CSNK2A2: variants seen among roughly 807,000 people sequenced by gnomAD.
CSNK2A2 encodes the protein casein kinase 2 alpha 2, also known as casein kinase II subunit alpha'.
A neutral mutation model predicts 54.0 loss-of-function variants in CSNK2A2; 8 were observed. The ratio of observed to expected loss-of-function variants is 0.15; its 90% confidence interval spans 0.09 to 0.27. The LOEUF (loss-of-function observed/expected upper bound fraction) is 0.27, where lower values mean the gene tolerates loss of function less well. CSNK2A2 is among the 10% of genes least tolerant of loss of function. The pLI is 1.00. For synonymous variants in CSNK2A2, 141 were observed against 153.9 expected (o/e 0.92, Z 0.62); for missense variants, 242 against 439.4 (o/e 0.55, Z 4.02).
rs575118555 is a variant in CSNK2A2, at chr16:58,182,429, C to CCTGTAGT, written c.369+1824_369+1830dup. Among the ~76,000 whole-genome samples the CCTGTAGT allele has an allele frequency of 2.6e-4, 37 of 142,600 alleles. No individual in the cohort carries two copies. The South Asian group carries it at 7.3e-3, about 28-fold the overall frequency. The allele number at this position is 142,600 out of a possible 152,430, so 93.6% of individuals were successfully genotyped here. A position where few individuals can be genotyped will look rare whatever the true frequency, so the allele number is the denominator to read the frequency against. On this transcript the variant is annotated intron_variant, in intron 4 of 11. Coordinates refer to ENST00000262506, the MANE Select transcript of CSNK2A2 (RefSeq NM_001896.4). ...AACTAGCCAGGCGTGGTGGTGCACG[C>CCTGTAGT]CTGTAGTCCCAGCTACTTGGGAGGC...
At chr16:58,171,250 C>A (rs568408977) in intron 5 of CSNK2A2, among the ~76,000 whole-genome samples, 2 of 152,064 alleles carry the variant, frequency 1.3e-5, no homozygotes, top group East Asian at 1.9e-4. Context: ...TATGGCCAGG[C>A]GTGGTGGCTC....
intron 5 of CSNK2A2, among the ~76,000 whole-genome samples, chr16:58,171,306 G>A (rs868718700): frequency 6.6e-6 from 1 of 152,122 alleles, no homozygotes; most frequent in East Asian, 1.9e-4. Flanking sequence ...GGCAGATCAC[G>A]AGGTCAGGAG....
rs564766245 is a variant in CSNK2A2, at chr16:58,188,079, A to G, written c.217-1223T>C. 3.3e-5 allele frequency among the ~76,000 whole-genome samples: 5 copies of G among 152,326 alleles called. No individual in the cohort carries two copies. The East Asian group carries it at 9.6e-4, about 29-fold the overall frequency. On this transcript the variant is annotated intron_variant, in intron 2 of 11. Transcript: ENST00000262506. The stretch of plus-strand genomic sequence containing the variant: ...GAGGGGGAAAATATAACATACACAC[A>G]TGCCAGAGAAACCTTCATCTTTTGT...
chr16:58,164,198 A>G, intron 10 of CSNK2A2, 51 bp from the exon 11 acceptor site: 1 of 1,570,120 alleles, frequency 6.4e-7, no homozygotes, highest in Non-Finnish European at 8.8e-7. Flanking sequence ...GAGTGCTGAG[A>G]GAAGCCCATG....
At chr16:58,164,964 G>C (rs1295225664) in intron 10 of CSNK2A2, among the ~76,000 whole-genome samples, 1 of 152,202 alleles carries the variant, frequency 6.6e-6, no homozygotes, top group African/African-American at 2.4e-5. Context: ...TGCTCCCCAG[G>C]AAGGAGACTG....
chr16:58,194,656 T>C (rs937027672), intron 2 of CSNK2A2, among the ~76,000 whole-genome samples: 4 of 152,168 alleles, frequency 2.6e-5, no homozygotes, highest in East Asian at 3.8e-4. Context: ...AAATGAACAG[T>C]AAGAGATATG....
At chr16:58,185,741 A>G (rs1015866873) in intron 3 of CSNK2A2, among the ~76,000 whole-genome samples, 1 of 152,214 alleles carries the variant, frequency 6.6e-6, no homozygotes, top group Non-Finnish European at 1.5e-5. Flanking sequence ...CAGTCTTCTC[A>G]GGGTCCAGAA....
intron 10 of CSNK2A2, among the ~76,000 whole-genome samples, chr16:58,164,392 G>C (rs923953144): frequency 1.3e-5 from 2 of 152,184 alleles, no homozygotes; most frequent in African/African-American, 4.8e-5. Flanking sequence ...TCAATGCTAA[G>C]AGGCATAGAA....
chr16:58,174,433 T>C lies in CSNK2A2; in HGVS notation c.429+18A>G, dbSNP rs1961823707. ...GAACAGGCCTGAAAAAAATTAATGG[T>C]TTATGAACACCACTTACTTTAAGTA... On this transcript the variant is annotated intron_variant, in intron 5 of 11. Coordinates refer to ENST00000262506, the MANE Select transcript of CSNK2A2 (RefSeq NM_001896.4). 2 of 1,584,978 alleles carry C rather than the reference T, an allele frequency of 1.3e-6. No individual in the cohort carries two copies. The highest frequency in any genetic ancestry group is 8.6e-7 in the Non-Finnish European group (1 of 1,160,906).
rs1232744740 is a variant in CSNK2A2, at chr16:58,167,676, C to T, written c.624+9G>A. On this transcript the variant is annotated intron_variant, in intron 7 of 11. Transcript: ENST00000262506. ...AAATAACCCAGAATAGCTCTGCTAA[C>T]AAGTTTACCTGATAGTCCACGAGGA... 1.9e-6 allele frequency: 3 copies of T among 1,602,478 alleles called. No individual in the cohort carries two copies. Among genetic ancestry groups the T allele is most frequent in the Admixed American group, 1.7e-5 (1 of 60,000 alleles).
intron 4 of CSNK2A2, among the ~76,000 whole-genome samples, chr16:58,182,404 A>AAAAAAAAC (rs1567470360): frequency 1.4e-5 from 2 of 139,868 alleles, no homozygotes; most frequent in Non-Finnish European, 3.1e-5. Flanking sequence ...AAAAAAAAAA[A>AAAAAAAAC]ACTAGCCAGG....
chr16:58,161,546 C>CACACACACACACACACACAG (rs372634548), intron 11 of CSNK2A2: 4 of 150,322 alleles, frequency 2.7e-5, no homozygotes, highest in Admixed American at 1.3e-4. Flanking sequence ...CAGACACACA[C>CACACACACACACACACACAG]ACAGACACAC....
chr16:58,192,946 G>A (rs906166769), intron 2 of CSNK2A2: 1 of 152,230 alleles, frequency 6.6e-6, no homozygotes, highest in African/African-American at 2.4e-5. Flanking sequence ...CTGCGATTCT[G>A]TTTGACACAG....
At chr16:58,183,681 A>G (rs563321935) in intron 4 of CSNK2A2, among the ~76,000 whole-genome samples, 34 of 152,280 alleles carry the variant, frequency 2.2e-4, no homozygotes, top group Non-Finnish European at 3.2e-4. Flanking sequence ...ATGTTTGAAC[A>G]ATAAATTTTG....
intron 4 of CSNK2A2, among the ~76,000 whole-genome samples, chr16:58,182,408 A>C (rs1441406324): frequency 7.6e-6 from 1 of 130,734 alleles, no homozygotes; most frequent in Non-Finnish European, 1.7e-5. Context: ...AAAAAAAACT[A>C]GCCAGGCGTG....
intron 5 of CSNK2A2, among the ~76,000 whole-genome samples, chr16:58,170,955 T>C (rs1476058127): frequency 1.3e-5 from 2 of 152,116 alleles, no homozygotes; most frequent in African/African-American, 4.8e-5. Flanking sequence ...ACAAGGTCAA[T>C]GAAATACTCT....
chr16:58,169,434 G>A (rs1258014513), intron 5 of CSNK2A2, among the ~76,000 whole-genome samples: 1 of 152,092 alleles, frequency 6.6e-6, no homozygotes, highest in Non-Finnish European at 1.5e-5. Flanking sequence ...CTGGGCTGAG[G>A]CTGGAGAACT....
intron 3 of CSNK2A2, 61 bp from the exon 4 acceptor site, chr16:58,184,371 C>A: frequency 7.8e-7 from 1 of 1,278,238 alleles, no homozygotes; most frequent in South Asian, 1.4e-5. Context: ...TAATCTGCTT[C>A]TGCCAAAATG....
chr16:58,193,724 T>C (rs368773174), intron 2 of CSNK2A2, among the ~76,000 whole-genome samples: 2 of 152,344 alleles, frequency 1.3e-5, no homozygotes, highest in East Asian at 3.9e-4. Context: ...AATGAAGAAC[T>C]GATTTTTCAA....
Sources: allele counts gnomAD v4.1 joint callset (sites outside exome capture counted in the v4.1 genomes callset), GRCh38; gene constraint gnomAD v4.1.1; transcripts MANE v1.5; gene names NCBI Gene and HGNC (gene_info 2026-07-23, HGNC 2026-07-21).